PIP5K1A: variants seen among roughly 807,000 people sequenced by gnomAD.
The protein encoded by PIP5K1A is phosphatidylinositol 4-phosphate 5-kinase type-1 alpha.
PIP5K1A carries 46 observed loss-of-function variants against 72.9 expected under a neutral mutation model. The ratio of observed to expected loss-of-function variants is 0.63; its 90% confidence interval spans 0.50 to 0.81. The LOEUF (loss-of-function observed/expected upper bound fraction) is 0.81. PIP5K1A is among the 30% of genes least tolerant of loss of function. The pLI is 0.00. For missense variants in PIP5K1A, 458 were observed against 706.1 expected, an observed-to-expected ratio of 0.65 and a Z score of 3.98; for synonymous variants, 228 against 255.1, an observed-to-expected ratio of 0.89 and a Z score of 1.01.
chr1:151,224,896 G>C (rs1055032178), intron 3 of PIP5K1A, among the ~76,000 whole-genome samples: 4 of 152,066 alleles, frequency 2.6e-5, no homozygotes, highest in Admixed American at 6.6e-5. Flanking sequence ...TTTGTGAAAG[G>C]GGCCTCAGAA....
At position 151,232,111 on chromosome 1, in the gene PIP5K1A, G is replaced by T. The variant is rs911827573; in HGVS notation, c.369-137G>T. 4 of 701,806 alleles carry T rather than the reference G, an allele frequency of 5.7e-6. No individual in the cohort carries two copies. The Middle Eastern group carries it at 1.1e-3, about 189-fold the overall frequency. The allele number at this position is 701,806 out of a possible 1,614,324, so 43.5% of individuals were successfully genotyped here. On this transcript the variant is annotated intron_variant, in intron 5 of 15. Transcript: ENST00000368888. ...GCCATTGTCTCACTAACTCATCTAA[G>T]AAGGGCTGTGATTATCTTAGGAGGA...
At chr1:151,226,920 G>A (rs945533799) in intron 3 of PIP5K1A, among the ~76,000 whole-genome samples, 5 of 152,008 alleles carry the variant, frequency 3.3e-5, no homozygotes, top group South Asian at 2.1e-4. Flanking sequence ...CCAGCTGCTC[G>A]GGAGGCTGAG....
chr1:151,214,914 C>T (rs1479239599), intron 1 of PIP5K1A, among the ~76,000 whole-genome samples: 2 of 149,518 alleles, frequency 1.3e-5, no homozygotes, highest in Non-Finnish European at 3.0e-5. Context: ...GACCAGTTTT[C>T]ACCATGTTGC....
chr1:151,239,067 TA>T (rs2101556078), intron 10 of PIP5K1A, 62 bp from the exon 11 acceptor site: 1 of 1,217,618 alleles, frequency 8.2e-7, no homozygotes, highest in Non-Finnish European at 1.2e-6. Flanking sequence ...CCCTAAAATA[TA>T]AAGTTATTAA....
At chr1:151,216,797 C>T (rs1221173170) in intron 1 of PIP5K1A, among the ~76,000 whole-genome samples, 2 of 151,898 alleles carry the variant, frequency 1.3e-5, no homozygotes, top group Admixed American at 1.3e-4. Context: ...TCATAACAAC[C>T]TTAGGAAGTA....
intron 14 of PIP5K1A, among the ~76,000 whole-genome samples, chr1:151,243,592 C>T (rs867058789): frequency 3.3e-5 from 5 of 152,156 alleles, no homozygotes; most frequent in Non-Finnish European, 5.9e-5. Flanking sequence ...AATAATTCTC[C>T]GTGGTTCTTG....
intron 1 of PIP5K1A, among the ~76,000 whole-genome samples, chr1:151,208,249 C>T (rs587602682): frequency 2.0e-5 from 3 of 152,166 alleles, no homozygotes; most frequent in African/African-American, 4.8e-5. Context: ...GCTTTTGTTT[C>T]TAGGGACATC....
intron 1 of PIP5K1A, among the ~76,000 whole-genome samples, chr1:151,202,578 G>A (rs183098808): frequency 1.4e-5 from 2 of 147,558 alleles, no homozygotes; most frequent in Non-Finnish European, 3.0e-5. Context: ...GTTCAAGCGA[G>A]TTGCCTGCTC....
At chr1:151,219,900 G>A (rs4971015) in intron 1 of PIP5K1A, among the ~76,000 whole-genome samples, 96,087 of 141,580 alleles carry the variant, frequency 0.68, 32,535 homozygotes, top group Middle Eastern at 0.74. Flanking sequence ...TATGTTGCTC[G>A]AGCTGGTCTC....
At chr1:151,200,439 G>C (rs1239245519) in intron 1 of PIP5K1A, among the ~76,000 whole-genome samples, 1 of 151,980 alleles carries the variant, frequency 6.6e-6, no homozygotes, top group African/African-American at 2.4e-5. Flanking sequence ...CGGGAGGTGA[G>C]TCAGAAACTG....
chr1:151,244,182 A>AG (rs925726916), intron 14 of PIP5K1A, among the ~76,000 whole-genome samples: 9 of 146,348 alleles, frequency 6.1e-5, no homozygotes, highest in African/African-American at 2.2e-4. Context: ...AAATACTGAA[A>AG]AAAAAAAAAA....
chr1:151,234,099 A>C, intron 7 of PIP5K1A, 98 bp from the exon 8 acceptor site: 1 of 812,140 alleles, frequency 1.2e-6, no homozygotes. Context: ...AATCTCATAT[A>C]GGAGATAAAG....
chr1:151,231,100 G>A (rs1399776871), intron 4 of PIP5K1A, among the ~76,000 whole-genome samples: 1 of 151,704 alleles, frequency 6.6e-6, no homozygotes, highest in Non-Finnish European at 1.5e-5. Flanking sequence ...TCAGCTACTC[G>A]GGAGGCTGAG....
chr1:151,201,705 C>CA (rs1037790626), intron 1 of PIP5K1A, among the ~76,000 whole-genome samples: 4 of 151,590 alleles, frequency 2.6e-5, no homozygotes, highest in African/African-American at 9.7e-5. Context: ...CTAAAAAATA[C>CA]AAAAAAATTA....
chr1:151,198,943 G>C lies in PIP5K1A; in HGVS notation c.-54G>C. On this transcript the variant is annotated 5_prime_UTR_variant, in exon 1 of 16. Coordinates refer to ENST00000368888, the MANE Select transcript of PIP5K1A (RefSeq NM_001135638.2). ...TTGGGAAGATTCGATTCCGAGAAGA[G>C]GAAGAACCGGATTGAAAGAGAGCCA... 1 of 1,518,174 alleles carries C rather than the reference G, an allele frequency of 6.6e-7. No individual in the cohort carries two copies. Among genetic ancestry groups the C allele is most frequent in the East Asian group, 2.2e-5 (1 of 44,468 alleles). 94.0% of individuals were successfully genotyped at this position (1,518,174 alleles called of 1,614,324 possible). A position where few individuals can be genotyped will look rare whatever the true frequency, so the allele number is the denominator to read the frequency against.
At chr1:151,202,074 A>G (rs1685290614) in intron 1 of PIP5K1A, among the ~76,000 whole-genome samples, 1 of 152,250 alleles carries the variant, frequency 6.6e-6, no homozygotes, top group African/African-American at 2.4e-5. Flanking sequence ...ACTATCTTTA[A>G]TATTGGCAGG....
At position 151,223,635 on chromosome 1, in the gene PIP5K1A, ACT is replaced by A. The variant is rs587678605; in HGVS notation, c.86-607_86-606del. Among the ~76,000 whole-genome samples the A allele has an allele frequency of 6.2e-3, 595 of 95,504 alleles. 4 individuals are homozygous for A. The highest frequency in any genetic ancestry group is 0.018 in the Middle Eastern group (3 of 168). 62.7% of individuals were successfully genotyped at this position (95,504 alleles called of 152,430 possible). A position where few individuals can be genotyped will look rare whatever the true frequency, so the allele number is the denominator to read the frequency against. On this transcript the variant is annotated intron_variant, in intron 1 of 15. Transcript: ENST00000368888. ...ACTCCAACCTGGGCAACAGAGCGAG[ACT>A]CTGTCTCAAAAAAAAAAAAAAAGCG...
intron 1 of PIP5K1A, chr1:151,213,544 A>C (rs1687156316): frequency 6.6e-6 from 1 of 152,196 alleles, no homozygotes; most frequent in Admixed American, 6.6e-5. Context: ...ATGTGCTGAT[A>C]CAGGTATGTT....
rs146158224 is a variant in PIP5K1A at position 151,215,135 on chromosome 1, A to C, written c.86-9110A>C. 3.5e-3 allele frequency among the ~76,000 whole-genome samples: 526 copies of C among 149,190 alleles called. 18 individuals carry two copies. In the East Asian group the frequency reaches 0.066, roughly 19 times the overall value. The stretch of plus-strand genomic sequence containing the variant: ...ATCCTCCGCCTCCCGGGTTCAAGCG[A>C]TTCTCCTGCCTCAGCCTCCCGAGTA... On this transcript the variant is annotated intron_variant, in intron 1 of 15. Transcript: ENST00000368888.
Sources: gnomAD v4.1 joint callset for allele counts (sites outside exome capture counted in the v4.1 genomes callset) on GRCh38, gnomAD v4.1.1 for gene constraint, MANE v1.5 for transcripts, NCBI Gene and HGNC (gene_info 2026-07-23, HGNC 2026-07-21) for gene names.